Variants in WDR33 observed in about 807,000 individuals in gnomAD.
WDR33 encodes pre-mRNA 3' end processing protein WDR33.
In WDR33, 47 loss-of-function variants were observed where a neutral mutation model predicts 164.9. That is an observed-to-expected ratio of 0.29 (90% CI 0.23 to 0.36). The LOEUF (loss-of-function observed/expected upper bound fraction) is 0.36, where lower values mean the gene tolerates loss of function less well. WDR33 is among the 10% of genes least tolerant of loss of function. The pLI is 1.00. For synonymous variants in WDR33, 505 were observed against 589.0 expected, an observed-to-expected ratio of 0.86 and a Z score of 2.06; for missense variants, 1,137 against 1,754.1, an observed-to-expected ratio of 0.65 and a Z score of 6.28.
Position 127,764,038 on chromosome 2 carries a change from G to A in WDR33, c.626+790C>T, listed in dbSNP as rs1687754213. On this transcript the variant is annotated intron_variant, in intron 6 of 21. Coordinates refer to ENST00000322313, the MANE Select transcript of WDR33 (RefSeq NM_018383.5). The surrounding 1 kb of genome is among the most constrained non-coding windows in gnomAD (Gnocchi z 6.2). ...TGTCAACCTCCTCCCACACATGGGT[G>A]GCACAACCTTAAAGAATGCTGCTTA... 1.0e-6 allele frequency: 1 copy of A among 986,186 alleles called. No individual in the cohort carries two copies. The highest frequency in any genetic ancestry group is 6.1e-5 in the Admixed American group (1 of 16,332). The allele number at this position is 986,186 out of a possible 1,614,324, so 61.1% of individuals were successfully genotyped here. A position where few individuals can be genotyped will look rare whatever the true frequency, so the allele number is the denominator to read the frequency against.
intron 7 of WDR33, among the ~76,000 whole-genome samples, chr2:127,734,159 CTATT>C (rs759324773): frequency 1.9e-4 from 29 of 152,164 alleles, no homozygotes; most frequent in Non-Finnish European, 1.9e-4. Context: ...ATTCTTTTGA[CTATT>C]TAATAAGTAA....
rs781502883 is a variant in WDR33 at position 127,724,937 on chromosome 2, T to C, written c.1035A>G (p.Gly345=). 1.9e-6 allele frequency: 3 copies of C among 1,614,136 alleles called. No individual in the cohort carries two copies. The South Asian group carries it at 3.3e-5, about 18-fold the overall frequency. The part of the protein sequence containing the change: ...TAVAWHPVHE[G]LFASGGSDGS... ...CATCAGACCCTCCACTGGCAAAAAGTCCTTCATGAACAGGATGCCAGGCCA... is the reference window on the plus strand; with the variant it reads ...CATCAGACCCTCCACTGGCAAAAAGCCCTTCATGAACAGGATGCCAGGCCA... The change falls in exon 10 of 22, where the codon GGA becomes GGG. Residue 345 remains glycine (G), a synonymous_variant. Coordinates refer to ENST00000322313, the MANE Select transcript of WDR33 (RefSeq NM_018383.5). The surrounding 1 kb of genome is among the most constrained non-coding windows in gnomAD (Gnocchi z 4.8).
chr2:127,765,065 A>G, intron 5 of WDR33, 86 bp from the exon 6 acceptor site: 1 of 1,560,738 alleles, frequency 6.4e-7, no homozygotes, highest in South Asian at 1.2e-5. Flanking sequence ...AACTGACTCG[A>G]GGTAATAATT....
At chr2:127,784,358 A>G (rs560626340) in intron 1 of WDR33, among the ~76,000 whole-genome samples, 50 of 152,292 alleles carry the variant, frequency 3.3e-4, no homozygotes, top group African/African-American at 1.2e-3. Context: ...TACTAACTGC[A>G]ATGTGTCATC....
chr2:127,806,210 CTTTTTT>C (rs200197402), intron 1 of WDR33, among the ~76,000 whole-genome samples: 4 of 132,920 alleles, frequency 3.0e-5, no homozygotes, highest in African/African-American at 8.4e-5. Context: ...TTTTCTTTTT[CTTTTTT>C]TTTTTTTTTT....
In WDR33 at chr2:127,702,667, A is replaced by G. The variant is rs939946049; in HGVS notation, c.*3656T>C. 1.2e-5 allele frequency: 2 copies of G among 167,138 alleles called. No individual in the cohort carries two copies. Among genetic ancestry groups the G allele is most frequent in the African/African-American group, 4.8e-5 (2 of 41,486 alleles). The allele number at this position is 167,138 out of a possible 1,614,324, so 10.4% of individuals were successfully genotyped here. ...GTCAGCGAATCCAGAAGGGTATCAG[A>G]TTAAACACCGAATTCAGCCACTGGA... is the stretch of plus-strand genomic sequence containing the variant. On this transcript the variant is annotated 3_prime_UTR_variant, in exon 22 of 22. Transcript: ENST00000322313.
In WDR33 at chr2:127,716,166, G is replaced by C. The variant is rs976252426; in HGVS notation, c.2869+989C>G. Among the ~76,000 whole-genome samples, 7 of 152,142 alleles carry C rather than the reference G, an allele frequency of 4.6e-5. No homozygotes were observed. The highest frequency in any genetic ancestry group is 7.4e-5 in the Non-Finnish European group (5 of 68,018). ...ATGGGACAGAAATAAACACTCTCTA[G>C]TTCCCTTATCTCTTTCTTACCTCTA... On this transcript the variant is annotated intron_variant, in intron 17 of 21. Transcript: ENST00000322313. This position sits in a 1 kb window ranked among gnomAD's most constrained non-coding sequence, Gnocchi z 4.5.
At position 127,710,538 on chromosome 2, in the gene WDR33, C is replaced by T. The variant is rs1686134504; in HGVS notation, c.3309-682G>A. Among the ~76,000 whole-genome samples, 2 of 152,194 alleles carry T rather than the reference C, an allele frequency of 1.3e-5. No homozygotes were observed. Among genetic ancestry groups the T allele is most frequent in the Non-Finnish European group, 2.9e-5 (2 of 68,030 alleles). Reference sequence around the variant, plus strand: ...AGGTCAGCATCTGGTTTACAGGCAGCGATCCACTGGCTAGCTGGCAGTCTG... The same window carrying T: ...AGGTCAGCATCTGGTTTACAGGCAGTGATCCACTGGCTAGCTGGCAGTCTG... On this transcript the variant is annotated intron_variant, in intron 18 of 21. Coordinates refer to ENST00000322313, the MANE Select transcript of WDR33 (RefSeq NM_018383.5). This position sits in a 1 kb window ranked among gnomAD's most constrained non-coding sequence, Gnocchi z 4.4.
chr2:127,723,355 A>C lies in WDR33; in HGVS notation c.1197-8T>G. ...TTTCGAGTCCAGAATTTGCTGTAAAAATAATTAAAGGAGAAAAGAAGCATG... is the reference window on the plus strand; with the variant it reads ...TTTCGAGTCCAGAATTTGCTGTAAACATAATTAAAGGAGAAAAGAAGCATG... On this transcript the variant is annotated splice_polypyrimidine_tract_variant and splice_region_variant and intron_variant, in intron 11 of 21. Coordinates refer to ENST00000322313, the MANE Select transcript of WDR33 (RefSeq NM_018383.5). This position sits in a 1 kb window ranked among gnomAD's most constrained non-coding sequence, Gnocchi z 5.9. The C allele has an allele frequency of 6.2e-7, 1 of 1,613,020 alleles. No individual in the cohort carries two copies. Among genetic ancestry groups the C allele is most frequent in the Non-Finnish European group, 8.5e-7 (1 of 1,179,490 alleles).
intron 4 of WDR33, among the ~76,000 whole-genome samples, chr2:127,767,979 T>C (rs933140304): frequency 4.6e-5 from 7 of 152,142 alleles, no homozygotes; most frequent in African/African-American, 1.7e-4. Context: ...AATTGCCACA[T>C]GAAGAAAAAC....
Position 127,763,431 on chromosome 2 carries a change from C to G in WDR33, c.627-272G>C. 1 of 1,173,678 alleles carries G rather than the reference C, an allele frequency of 8.5e-7. No individual in the cohort carries two copies. The highest frequency in any genetic ancestry group is 2.7e-5 in the South Asian group (1 of 37,140). 72.7% of individuals were successfully genotyped at this position (1,173,678 alleles called of 1,614,324 possible). On this transcript the variant is annotated intron_variant, in intron 6 of 21. Transcript: ENST00000322313. The surrounding 1 kb of genome is among the most constrained non-coding windows in gnomAD (Gnocchi z 4.5). Reference sequence around the variant, plus strand: ...AGTGCTAATGCTATCCATGTTCCTTCTCTATTTTCTATGATACGAGGAAAT... The same window carrying G: ...AGTGCTAATGCTATCCATGTTCCTTGTCTATTTTCTATGATACGAGGAAAT...
Position 127,721,763 on chromosome 2 carries a change from G to A in WDR33, c.1671+73C>T, listed in dbSNP as rs906930381. 2.7e-6 allele frequency: 4 copies of A among 1,478,018 alleles called. No individual in the cohort carries two copies. Among genetic ancestry groups the A allele is most frequent in the Middle Eastern group, 1.8e-4 (1 of 5,576 alleles). The allele number at this position is 1,478,018 out of a possible 1,614,324, so 91.6% of individuals were successfully genotyped here. A position where few individuals can be genotyped will look rare whatever the true frequency, so the allele number is the denominator to read the frequency against. On this transcript the variant is annotated intron_variant, in intron 15 of 21. Coordinates refer to ENST00000322313, the MANE Select transcript of WDR33 (RefSeq NM_018383.5). This position sits in a 1 kb window ranked among gnomAD's most constrained non-coding sequence, Gnocchi z 4.9. ...GGAGAGCCCCTTCCCTTTTCCTTAA[G>A]AGCCTATCAATAAAAATGTCACCAC...
chr2:127,802,374 T>C (rs705049), intron 1 of WDR33, among the ~76,000 whole-genome samples: 106,400 of 152,074 alleles, frequency 0.7, 38,973 homozygotes, highest in African/African-American at 0.92. Context: ...CTCCGTCTCC[T>C]GGGTGCAAGC....
At chr2:127,801,835 G>T (rs534890071) in intron 1 of WDR33, among the ~76,000 whole-genome samples, 1 of 152,078 alleles carries the variant, frequency 6.6e-6, no homozygotes, top group African/African-American at 2.4e-5. Flanking sequence ...AGTGAGCCGA[G>T]ATCGTGCCAC....
At position 127,724,838 on chromosome 2, in the gene WDR33, C is replaced by T. The variant is rs569286379; in HGVS notation, c.1085+49G>A. 35 of 1,582,846 alleles carry T rather than the reference C, an allele frequency of 2.2e-5. No individual in the cohort carries two copies. The African/African-American group carries it at 2.4e-4, about 11-fold the overall frequency. The stretch of plus-strand genomic sequence containing the variant: ...AAACTATCATGTCTGCACACATTCA[C>T]GTGCTCTCTTCACAAAATACACTAC... On this transcript the variant is annotated intron_variant, in intron 10 of 21. Transcript: ENST00000322313. This position sits in a 1 kb window ranked among gnomAD's most constrained non-coding sequence, Gnocchi z 4.8.
intron 7 of WDR33, among the ~76,000 whole-genome samples, chr2:127,733,665 G>C (rs1380736559): frequency 1.3e-5 from 2 of 152,016 alleles, no homozygotes; most frequent in Non-Finnish European, 2.9e-5. Context: ...TAGTGGCTAA[G>C]AATATCAGAC....
In WDR33 at chr2:127,719,351, C is replaced by T; in HGVS notation, c.2674G>A (p.Gly892Arg). The T allele has an allele frequency of 6.6e-7, 1 of 1,510,024 alleles. No individual in the cohort carries two copies. Among genetic ancestry groups the T allele is most frequent in the Non-Finnish European group, 8.8e-7 (1 of 1,130,626 alleles). 93.5% of individuals were successfully genotyped at this position (1,510,024 alleles called of 1,614,324 possible). A position where few individuals can be genotyped will look rare whatever the true frequency, so the allele number is the denominator to read the frequency against. The change falls in exon 16 of 22, where the codon GGG (glycine) becomes AGG (arginine). Residue 892 changes from glycine to arginine, a missense_variant. By Grantham distance (125) the Gly-to-Arg change is moderately radical. Coordinates refer to ENST00000322313, the MANE Select transcript of WDR33 (RefSeq NM_018383.5). This position sits in a 1 kb window ranked among gnomAD's most constrained non-coding sequence, Gnocchi z 6.5. ...ATTGGCCCTTGAGATGGATGTGGCCCTCTTGCTGGGTTCTGCTGTCCCTGA... is the reference window on the plus strand; with the variant it reads ...ATTGGCCCTTGAGATGGATGTGGCCTTCTTGCTGGGTTCTGCTGTCCCTGA... ...GPQGQQNPAR[G>R]PHPSQGPIPF... is the part of the protein sequence containing the mutation.
Position 127,719,242 on chromosome 2 carries a change from C to T in WDR33, c.2760+23G>A, listed in dbSNP as rs13422339. 1.6e-3 allele frequency: 2,179 copies of T among 1,398,040 alleles called. 30 individuals are homozygous for T. The African/African-American group carries it at 0.029, about 18-fold the overall frequency. 86.6% of individuals were successfully genotyped at this position (1,398,040 alleles called of 1,614,324 possible). A position where few individuals can be genotyped will look rare whatever the true frequency, so the allele number is the denominator to read the frequency against. On this transcript the variant is annotated intron_variant, in intron 16 of 21. Transcript: ENST00000322313. The surrounding 1 kb of genome is among the most constrained non-coding windows in gnomAD (Gnocchi z 6.5). ...GCAGAGTGTATTTTCCCAATGTGCCCGTGAGTTGGAAATGAATAATACCTG... is the reference window on the plus strand; with the variant it reads ...GCAGAGTGTATTTTCCCAATGTGCCTGTGAGTTGGAAATGAATAATACCTG...
Position 127,721,347 on chromosome 2 carries a change from A to T in WDR33, c.1671+489T>A, listed in dbSNP as rs1686433958. ...GGTCTCAAACTCCTGATCTCAGGTG[A>T]TCTGTCTGCCTCGGCCTCCCAAAGT... On this transcript the variant is annotated intron_variant, in intron 15 of 21. Transcript: ENST00000322313. The surrounding 1 kb of genome is among the most constrained non-coding windows in gnomAD (Gnocchi z 4.9). Among the ~76,000 whole-genome samples, 1 of 151,814 alleles carries T rather than the reference A, an allele frequency of 6.6e-6. No individual in the cohort carries two copies. The highest frequency in any genetic ancestry group is 1.5e-5 in the Non-Finnish European group (1 of 67,924).
Sources: allele counts gnomAD v4.1 joint callset (sites outside exome capture counted in the v4.1 genomes callset), GRCh38; gene constraint gnomAD v4.1.1; non-coding constraint Gnocchi (gnomAD v3.1); transcripts MANE v1.5; gene names NCBI Gene and HGNC (gene_info 2026-07-23, HGNC 2026-07-21).